The following BOLL variants were observed in gnomAD, a reference collection of about 807,000 sequenced individuals.
BOLL encodes the protein boule RNA binding protein.
In BOLL, 23 loss-of-function variants were observed where a neutral mutation model predicts 44.4. The ratio of observed to expected loss-of-function variants is 0.52; its 90% CI spans 0.37 to 0.73. The LOEUF is 0.73. Ranked by LOEUF, BOLL falls within the 30% of genes least tolerant of loss-of-function variation. The pLI is 0.00. For synonymous variants in BOLL, 97 were observed against 110.8 expected, an observed-to-expected ratio of 0.88 and a Z score of 0.78; for missense variants, 287 against 338.3, an observed-to-expected ratio of 0.85 and a Z score of 1.19.
At chr2:197,735,047 C>G (rs1046023046) in intron 10 of BOLL, among the ~76,000 whole-genome samples, 3 of 152,014 alleles carry the variant, frequency 2.0e-5, no homozygotes, top group Non-Finnish European at 4.4e-5. Context: ...TACATTCTTA[C>G]AAAGTGAACC....
At chr2:197,761,670 T>TA (rs1272609338) in intron 7 of BOLL, among the ~76,000 whole-genome samples, 2 of 152,002 alleles carry the variant, frequency 1.3e-5, no homozygotes, top group Non-Finnish European at 2.9e-5. Context: ...CTGAATATAT[T>TA]AAAAAAAGAG....
intron 4 of BOLL, 21 bp from the exon 5 acceptor site, chr2:197,775,761 A>G: frequency 7.6e-7 from 1 of 1,319,186 alleles, no homozygotes; most frequent in Non-Finnish European, 1.0e-6. Context: ...GAAAAAAGAA[A>G]TTATTTTATT....
At chr2:197,729,013 A>G (rs13407030) in intron 10 of BOLL, among the ~76,000 whole-genome samples, 32 of 152,336 alleles carry the variant, frequency 2.1e-4, no homozygotes, top group East Asian at 7.7e-4. Flanking sequence ...TACAGCTCCC[A>G]GCGTGAGCGA....
At chr2:197,749,705 G>A (rs1312891614) in intron 9 of BOLL, among the ~76,000 whole-genome samples, 3 of 151,866 alleles carry the variant, frequency 2.0e-5, no homozygotes, top group Non-Finnish European at 2.9e-5. Flanking sequence ...GAAAAGGAAT[G>A]AACAAAGCCT....
intron 7 of BOLL, among the ~76,000 whole-genome samples, chr2:197,763,533 G>C (rs573851685): frequency 6.9e-6 from 1 of 145,874 alleles, no homozygotes; most frequent in South Asian, 2.2e-4. Flanking sequence ...TAAGTAACAA[G>C]ATTGAATCAG....
chr2:197,728,774 G>A (rs1056334834), intron 10 of BOLL, among the ~76,000 whole-genome samples, 196 bp from the exon 11 acceptor site: 3 of 152,198 alleles, frequency 2.0e-5, no homozygotes, highest in East Asian at 1.9e-4. Flanking sequence ...CCTGCTCTCT[G>A]AGAGCTTAGA....
At chr2:197,784,884 G>T (rs1689996984) in intron 1 of BOLL, 172 bp downstream of exon 1, 3 of 987,246 alleles carry the variant, frequency 3.0e-6, no homozygotes, top group Non-Finnish European at 3.6e-6. Context: ...CCTAGATGGG[G>T]ACTGTTGCCG....
At chr2:197,756,117 A>G (rs778765546) in intron 9 of BOLL, among the ~76,000 whole-genome samples, 3 of 152,206 alleles carry the variant, frequency 2.0e-5, no homozygotes, top group Non-Finnish European at 4.4e-5. Flanking sequence ...ATAGAATGTT[A>G]GTAACAATAC....
chr2:197,763,404 C>G (rs1688850202), intron 7 of BOLL, among the ~76,000 whole-genome samples: 2 of 150,146 alleles, frequency 1.3e-5, no homozygotes, highest in African/African-American at 4.9e-5. Flanking sequence ...ATGACATGAA[C>G]CTGGGAGGCG....
Position 197,772,656 on chromosome 2 carries a change from C to G in BOLL, c.353-674G>C, listed in dbSNP as rs114169611. Among the ~76,000 whole-genome samples the G allele has an allele frequency of 6.0e-3, 910 of 151,928 alleles. 13 individuals are homozygous for G. Among genetic ancestry groups the G allele is most frequent in the African/African-American group, 0.02 (839 of 41,458 alleles). On this transcript the variant is annotated intron_variant, in intron 5 of 10. Transcript: ENST00000392296. ...TAGTCTGGGGTCCCCAACTCTTTTC[C>G]CGGGCCAAGTTATATAAACCCCCAC...
intron 10 of BOLL, among the ~76,000 whole-genome samples, chr2:197,734,950 A>G (rs1391050065): frequency 6.6e-6 from 1 of 152,126 alleles, no homozygotes; most frequent in African/African-American, 2.4e-5. Flanking sequence ...AACTTAAAGT[A>G]TAATAATAAT....
At chr2:197,745,313 C>T (rs144875010) in intron 9 of BOLL, among the ~76,000 whole-genome samples, 1 of 151,764 alleles carries the variant, frequency 6.6e-6, no homozygotes, top group South Asian at 2.1e-4. Flanking sequence ...GGGAAAAAAA[C>T]ACTTCAACTG....
At chr2:197,774,947 A>C (rs1481252362) in intron 5 of BOLL, 1 of 151,944 alleles carries the variant, frequency 6.6e-6, no homozygotes, top group African/African-American at 2.4e-5. Flanking sequence ...ATAATAACCT[A>C]ATGTTTTAAA....
chr2:197,739,288 G>C (rs975653666), intron 10 of BOLL, among the ~76,000 whole-genome samples: 2 of 151,934 alleles, frequency 1.3e-5, no homozygotes, highest in Non-Finnish European at 1.5e-5. Flanking sequence ...GATATACATG[G>C]TTTCACTCTG....
intron 9 of BOLL, among the ~76,000 whole-genome samples, chr2:197,746,972 G>T (rs1455550522): frequency 6.6e-6 from 1 of 151,490 alleles, no homozygotes; most frequent in Non-Finnish European, 1.5e-5. Context: ...TGAGATGGGA[G>T]ATGTTGGTCA....
intron 2 of BOLL, among the ~76,000 whole-genome samples, chr2:197,780,461 T>G (rs1689717642): frequency 6.6e-6 from 1 of 152,088 alleles, no homozygotes; most frequent in African/African-American, 2.4e-5. Context: ...AATGTTTATA[T>G]TTATTGATAA....
At chr2:197,739,819 T>C (rs930963803) in intron 10 of BOLL, among the ~76,000 whole-genome samples, 1 of 152,108 alleles carries the variant, frequency 6.6e-6, no homozygotes, top group Non-Finnish European at 1.5e-5. Flanking sequence ...CACCCACCAC[T>C]CCATCCTCTA....
At chr2:197,754,397 G>A (rs1281619919) in intron 9 of BOLL, among the ~76,000 whole-genome samples, 2 of 152,108 alleles carry the variant, frequency 1.3e-5, no homozygotes, top group African/African-American at 4.8e-5. Context: ...AGACTTAAAT[G>A]TAAAACCCGA....
chr2:197,727,744 A>T lies in BOLL; in HGVS notation c.*811T>A, dbSNP rs1231384170. 1 of 152,336 alleles carries T rather than the reference A, an allele frequency of 6.6e-6. No individual in the cohort carries two copies. Among genetic ancestry groups the T allele is most frequent in the Admixed American group, 6.5e-5 (1 of 15,270 alleles). The allele number at this position is 152,336 out of a possible 1,614,324, so 9.4% of individuals were successfully genotyped here. On this transcript the variant is annotated 3_prime_UTR_variant, in exon 11 of 11. Coordinates refer to ENST00000392296, the MANE Select transcript of BOLL (RefSeq NM_033030.6). ...TCAGTGTTATGGGATCATGTCAGAG[A>T]TGAACCCTTTTATCAAAATTCCAAA...
Sources: allele counts gnomAD v4.1 joint callset (sites outside exome capture counted in the v4.1 genomes callset), GRCh38; gene constraint gnomAD v4.1.1; transcripts MANE v1.5; gene names NCBI Gene and HGNC (gene_info 2026-07-23, HGNC 2026-07-21).